The following FAM124A variants were observed in gnomAD, a reference collection of about 807,000 sequenced individuals.
FAM124A encodes family with sequence similarity 124 member A, also known as protein FAM124A.
Under a neutral mutation model 24.5 loss-of-function variants are expected in FAM124A, and 23 were observed. The observed-to-expected ratio is 0.94, with a 90% CI of 0.68 to 1.33. FAM124A has a LOEUF of 1.33. Among genes scored for constraint, FAM124A ranks in the 40% most tolerant of loss-of-function variants. The pLI, the probability that FAM124A is intolerant of heterozygous loss-of-function variation, is 0.00. For missense variants in FAM124A, 623 were observed against 722.8 expected (o/e 0.86, Z 1.58); for synonymous variants, 287 against 314.7 (o/e 0.91, Z 0.93).
rs1353929979 is a variant in FAM124A at position 51,258,293 on chromosome 13, C to T, written c.834+6092C>T. ...CAAATAAGGTCATATTCTGAGGTTA[C>T]TAGGGGATGGAACTTGAACATATGA... On this transcript the variant is annotated intron_variant, in intron 3 of 3. Coordinates refer to ENST00000322475, the MANE Select transcript of FAM124A (RefSeq NM_001242312.2). This position sits in a 1 kb window ranked among gnomAD's most constrained non-coding sequence, Gnocchi z 4.2. Among the ~76,000 whole-genome samples the T allele has an allele frequency of 6.6e-6, 1 of 152,188 alleles. No homozygotes were observed. Among genetic ancestry groups the T allele is most frequent in the African/African-American group, 2.4e-5 (1 of 41,428 alleles).
At chr13:51,254,197 T>C (rs970932262) in intron 3 of FAM124A, among the ~76,000 whole-genome samples, 1 of 152,246 alleles carries the variant, frequency 6.6e-6, no homozygotes, top group African/African-American at 2.4e-5. Flanking sequence ...ATGTTTAAGA[T>C]AAATTTTTTT....
chr13:51,236,004 C>G (rs1954431213), intron 2 of FAM124A, among the ~76,000 whole-genome samples: 1 of 152,154 alleles, frequency 6.6e-6, no homozygotes, highest in African/African-American at 2.4e-5. Flanking sequence ...CCATTTTGGC[C>G]CTACCTTCTT....
intron 1 of FAM124A, among the ~76,000 whole-genome samples, chr13:51,231,063 C>G (rs2137647890): frequency 6.6e-6 from 1 of 152,320 alleles, no homozygotes; most frequent in South Asian, 2.1e-4. Context: ...AGAGAAATAA[C>G]CATTCAATAT....
intron 1 of FAM124A, among the ~76,000 whole-genome samples, chr13:51,230,594 G>T (rs1444961866): frequency 6.6e-6 from 1 of 152,196 alleles, no homozygotes; most frequent in Non-Finnish European, 1.5e-5. Context: ...TGCCAGAGAG[G>T]AAAGTCTTAA....
At position 51,251,948 on chromosome 13, in the gene FAM124A, T is replaced by C; in HGVS notation, c.581T>C (p.Leu194Pro). Reference protein sequence around the residue: ...ADSLRFYQLILRRSPSQKKAD... With the variant: ...ADSLRFYQLIPRRSPSQKKAD... The stretch of plus-strand genomic sequence containing the variant: ...AGCCTCAGGTTCTACCAGCTGATTC[T>C]CCGGAGGAGCCCCAGCCAGAAGAAA... Residue 194 changes from leucine (L) to proline (P), a missense_variant, in exon 3 of 4, where the codon CTC (leucine) becomes CCC (proline). Coordinates refer to ENST00000322475, the MANE Select transcript of FAM124A (RefSeq NM_001242312.2). The surrounding 1 kb of genome is among the most constrained non-coding windows in gnomAD (Gnocchi z 5.3). 1 of 1,614,210 alleles carries C rather than the reference T, an allele frequency of 6.2e-7. No homozygotes were observed. Among genetic ancestry groups the C allele is most frequent in the Non-Finnish European group, 8.5e-7 (1 of 1,180,038 alleles).
intron 3 of FAM124A, among the ~76,000 whole-genome samples, chr13:51,255,541 A>T (rs543797679): frequency 2.2e-4 from 33 of 152,354 alleles, no homozygotes; most frequent in African/African-American, 7.9e-4. Context: ...ATCATCAATG[A>T]TGTGATTCAG....
intron 3 of FAM124A, among the ~76,000 whole-genome samples, chr13:51,263,405 CT>C (rs966269799): frequency 2.1e-4 from 32 of 152,242 alleles, no homozygotes; most frequent in African/African-American, 7.5e-4. Flanking sequence ...TTCTTCTCCC[CT>C]GCGTCCTCAC....
chr13:51,275,536 A>G (rs962700779), intron 3 of FAM124A, among the ~76,000 whole-genome samples: 3 of 152,266 alleles, frequency 2.0e-5, no homozygotes, highest in South Asian at 2.1e-4. Context: ...CAATGCATAT[A>G]TCTAAGAAAG....
At chr13:51,278,282 T>A (rs889104669) in intron 3 of FAM124A, among the ~76,000 whole-genome samples, 8 of 152,162 alleles carry the variant, frequency 5.3e-5, no homozygotes, top group Middle Eastern at 3.2e-3. Context: ...TCTGGAAACA[T>A]CTAAAGTAAC....
intron 2 of FAM124A, among the ~76,000 whole-genome samples, chr13:51,248,480 CATT>C (rs1325522708): frequency 7.9e-5 from 12 of 152,206 alleles, no homozygotes; most frequent in Admixed American, 1.3e-4. Flanking sequence ...AAACAACCAT[CATT>C]ATTATTTCCC....
chr13:51,255,482 G>T (rs964647698), intron 3 of FAM124A, among the ~76,000 whole-genome samples: 2 of 152,180 alleles, frequency 1.3e-5, no homozygotes, highest in Non-Finnish European at 1.5e-5. Flanking sequence ...CCAGAAATGA[G>T]CCCCAAAGTT....
At position 51,252,045 on chromosome 13, in the gene FAM124A, C is replaced by T; in HGVS notation, c.678C>T (p.Pro226=). The T allele has an allele frequency of 6.2e-7, 1 of 1,614,184 alleles. No individual in the cohort carries two copies. The highest frequency in any genetic ancestry group is 8.5e-7 in the Non-Finnish European group (1 of 1,180,034). ...TCCAGTTCTCCCTGAAAAGACTGCC[C>T]TGTGACCAGTGCCCGGTGCCCACCG... ...VDIQFSLKRL[P]CDQCPVPTDS... Residue 226 remains proline (P), a synonymous_variant, in exon 3 of 4, where the codon CCC becomes CCT. Coordinates refer to ENST00000322475, the MANE Select transcript of FAM124A (RefSeq NM_001242312.2).
chr13:51,251,807 G>A lies in FAM124A; in HGVS notation c.440G>A (p.Ser147Asn), dbSNP rs1193043150. ...HGRFLPYLPC[S>N]QDFFTLAPGT... ...CGGTTCCTGCCCTACCTGCCCTGCA[G>A]CCAGGACTTCTTCACGCTGGCCCCT... Residue 147 changes from serine to asparagine, a missense_variant, in exon 3 of 4, where the codon AGC (serine) becomes AAC (asparagine). Transcript: ENST00000322475. The surrounding 1 kb of genome is among the most constrained non-coding windows in gnomAD (Gnocchi z 5.3). The A allele has an allele frequency of 4.4e-6, 7 of 1,598,034 alleles. No homozygotes were observed. Among genetic ancestry groups the A allele is most frequent in the Non-Finnish European group, 6.0e-6 (7 of 1,172,534 alleles).
At chr13:51,271,609 T>C (rs1954840837) in intron 3 of FAM124A, among the ~76,000 whole-genome samples, 1 of 152,180 alleles carries the variant, frequency 6.6e-6, no homozygotes, top group African/African-American at 2.4e-5. Flanking sequence ...GAATGGTTTT[T>C]TTTTAAAGCT....
chr13:51,239,835 G>A (rs1441825270), intron 2 of FAM124A, among the ~76,000 whole-genome samples: 3 of 139,794 alleles, frequency 2.1e-5, no homozygotes, highest in Admixed American at 7.7e-5. Flanking sequence ...TACATATGTA[G>A]ATAGATAGTA....
intron 3 of FAM124A, among the ~76,000 whole-genome samples, chr13:51,260,796 C>G (rs1954727728): frequency 6.6e-6 from 1 of 152,142 alleles, no homozygotes; most frequent in South Asian, 2.1e-4. Context: ...GTCAGACAGA[C>G]TTTTGGACTC....
At position 51,281,084 on chromosome 13, in the gene FAM124A, C is replaced by T. The variant is rs766435081; in HGVS notation, c.1469C>T (p.Ser490Phe). Residue 490 changes from serine to phenylalanine, a missense_variant, in exon 4 of 4, where the codon TCC becomes TTC. Ser to Phe is a radical substitution (Grantham distance 155). Transcript: ENST00000322475. ...TTCTTCACCAAAAGGTCTTCCAGCT[C>T]CTCAGCGACAGCTCGTGCTGCTCCC... ...LPFFTKRSSS[S>F]SATARAAPPA... 1.9e-6 allele frequency: 3 copies of T among 1,614,154 alleles called. No homozygotes were observed. Among genetic ancestry groups the T allele is most frequent in the Admixed American group, 1.7e-5 (1 of 60,018 alleles).
At chr13:51,259,983 GTTCAGAGGCAGT>G (rs1954717607) in intron 3 of FAM124A, among the ~76,000 whole-genome samples, 1 of 152,134 alleles carries the variant, frequency 6.6e-6, no homozygotes, top group African/African-American at 2.4e-5. Context: ...AGAGGGGGCG[GTTCAGAGGCAGT>G]TCCTGGGTGT....
intron 2 of FAM124A, chr13:51,245,466 C>T: frequency 3.8e-6 from 2 of 531,678 alleles, no homozygotes; most frequent in Non-Finnish European, 6.7e-6. Flanking sequence ...TCTGTGCAAG[C>T]TTCCAGCTTG....
Sources: gnomAD v4.1 joint callset for allele counts (sites outside exome capture counted in the v4.1 genomes callset) on GRCh38, gnomAD v4.1.1 for gene constraint, Gnocchi (gnomAD v3.1) non-coding constraint, MANE v1.5 for transcripts, NCBI Gene and HGNC (gene_info 2026-07-23, HGNC 2026-07-21) for gene names.